GPHN: variants seen among roughly 807,000 people sequenced by gnomAD.
GPHN encodes gephyrin.
A neutral mutation model predicts 95.5 loss-of-function variants in GPHN; 17 were observed. The ratio of observed to expected loss-of-function variants is 0.18; its 90% confidence interval spans 0.12 to 0.27. The LOEUF is 0.27. GPHN is among the 10% of genes least tolerant of loss of function. GPHN has a pLI of 1.00. For synonymous variants in GPHN, 320 were observed against 322.5 expected, an observed-to-expected ratio of 0.99 and a Z score of 0.08; for missense variants, 660 against 978.1, an observed-to-expected ratio of 0.67 and a Z score of 4.34.
chr14:67,157,334 A>G lies in GPHN; in HGVS notation c.1837-2081A>G, dbSNP rs998967601. Among the ~76,000 whole-genome samples the G allele has an allele frequency of 2.6e-5, 4 of 152,320 alleles. No homozygotes were observed. The South Asian group carries it at 8.3e-4, about 32-fold the overall frequency. ...TGTAAGTAACATTTGCAAATTTACT[A>G]TATCTAATAATATAACCTCAAAATG... On this transcript the variant is annotated intron_variant, in intron 18 of 22. Coordinates refer to ENST00000478722, the MANE Select transcript of GPHN (RefSeq NM_020806.5).
intron 10 of GPHN, among the ~76,000 whole-genome samples, chr14:67,025,304 C>T (rs1327445977): frequency 6.6e-6 from 1 of 152,104 alleles, no homozygotes; most frequent in Non-Finnish European, 1.5e-5. Flanking sequence ...GGGGTACGTT[C>T]ATAAGGAAAA....
intron 4 of GPHN, among the ~76,000 whole-genome samples, chr14:66,844,243 G>A (rs1290545714): frequency 6.6e-6 from 1 of 152,028 alleles, no homozygotes; most frequent in East Asian, 1.9e-4. Flanking sequence ...TTTCTTGTAT[G>A]TTGGGTAAAC....
At chr14:67,701,210 A>G in the GPHN span, among the ~76,000 whole-genome samples, 2 of 151,886 alleles carry the variant, frequency 1.3e-5, no homozygotes, top group African/African-American at 4.8e-5. Flanking sequence ...TTTGAGATAT[A>G]AATTTGAGAA....
At chr14:67,699,589 C>CAAAAAAAA in the GPHN span, among the ~76,000 whole-genome samples, 79 of 50,458 alleles carry the variant, frequency 1.6e-3, no homozygotes, top group East Asian at 3.0e-3. Context: ...GACCCTATCT[C>CAAAAAAAA]AAAAAAAAAA....
intron 3 of GPHN, among the ~76,000 whole-genome samples, chr14:66,796,284 C>T (rs975623361): frequency 1.3e-5 from 2 of 151,906 alleles, no homozygotes; most frequent in Non-Finnish European, 2.9e-5. Flanking sequence ...CTGCAACAAA[C>T]ATGGGAGTGC....
At chr14:67,038,748 A>G (rs1187777327) in intron 10 of GPHN, among the ~76,000 whole-genome samples, 2 of 152,094 alleles carry the variant, frequency 1.3e-5, no homozygotes, top group Non-Finnish European at 2.9e-5. Context: ...TTCTTTCATC[A>G]GAAACCAGAT....
At chr14:66,549,240 G>T (rs986446990) in intron 1 of GPHN, among the ~76,000 whole-genome samples, 2 of 152,064 alleles carry the variant, frequency 1.3e-5, no homozygotes, top group Admixed American at 1.3e-4. Flanking sequence ...CAGGGGGTTG[G>T]TGAACAGATT....
chr14:67,269,120 A>C, the GPHN span, among the ~76,000 whole-genome samples: 3 of 152,244 alleles, frequency 2.0e-5, no homozygotes, highest in African/African-American at 7.2e-5. Flanking sequence ...AGAATCATAC[A>C]GTATGTGGTC....
the GPHN span, among the ~76,000 whole-genome samples, chr14:67,216,396 A>C: frequency 6.6e-6 from 1 of 151,622 alleles, no homozygotes; most frequent in South Asian, 2.1e-4. Flanking sequence ...TTCAGTCTCC[A>C]TTTCATTTAT....
intron 1 of GPHN, among the ~76,000 whole-genome samples, chr14:66,544,906 T>C (rs2059482051): frequency 6.6e-6 from 1 of 151,954 alleles, no homozygotes; most frequent in Non-Finnish European, 1.5e-5. Flanking sequence ...GGGTTGGGGG[T>C]AAGGTCACAG....
chr14:67,466,337 G>A, the GPHN span, among the ~76,000 whole-genome samples: 1,021 of 152,366 alleles, frequency 6.7e-3, 7 homozygotes, highest in Middle Eastern at 0.017. Flanking sequence ...ATGAAACAAT[G>A]GGTGGATCAG....
chr14:67,700,711 T>A, the GPHN span, among the ~76,000 whole-genome samples: 2 of 67,998 alleles, frequency 2.9e-5, no homozygotes. Context: ...CAAGACTCCA[T>A]CTCAAAAAAA....
intron 1 of GPHN, among the ~76,000 whole-genome samples, chr14:66,666,392 TA>T (rs1228155612): frequency 2.0e-5 from 3 of 151,618 alleles, no homozygotes; most frequent in Non-Finnish European, 4.4e-5. Context: ...TGTATTGGAT[TA>T]AATAAAAACA....
intron 18 of GPHN, among the ~76,000 whole-genome samples, chr14:67,154,089 G>T (rs1165923279): frequency 6.6e-6 from 1 of 152,162 alleles, no homozygotes; most frequent in Non-Finnish European, 1.5e-5. Context: ...TCAAGGCCCT[G>T]CAACTCTGGC....
intron 5 of GPHN, among the ~76,000 whole-genome samples, chr14:66,897,075 A>G (rs1415177020): frequency 6.6e-6 from 1 of 152,170 alleles, no homozygotes; most frequent in Admixed American, 6.6e-5. Context: ...TGGTAATATA[A>G]TTGTAGATTG....
At chr14:67,264,862 A>C in the GPHN span, among the ~76,000 whole-genome samples, 3 of 152,352 alleles carry the variant, frequency 2.0e-5, no homozygotes, top group African/African-American at 7.2e-5. Context: ...TCAAGTTTAC[A>C]TCTGAGAAAG....
At chr14:67,560,386 C>T in the GPHN span, among the ~76,000 whole-genome samples, 1 of 152,182 alleles carries the variant, frequency 6.6e-6, no homozygotes, top group African/African-American at 2.4e-5. Flanking sequence ...GTAAAATATA[C>T]ATAAAATGTA....
At chr14:66,657,090 A>G (rs1448692273) in intron 1 of GPHN, among the ~76,000 whole-genome samples, 4 of 152,244 alleles carry the variant, frequency 2.6e-5, no homozygotes, top group Admixed American at 2.6e-4. Flanking sequence ...GCTGTTTCAG[A>G]TAACACATGA....
chr14:67,422,557 A>T, the GPHN span, among the ~76,000 whole-genome samples: 1 of 152,234 alleles, frequency 6.6e-6, no homozygotes, highest in Non-Finnish European at 1.5e-5. Flanking sequence ...TCCACCACAG[A>T]TCTTTCTATT....
Sources: allele counts gnomAD v4.1 joint callset (sites outside exome capture counted in the v4.1 genomes callset), GRCh38; gene constraint gnomAD v4.1.1; transcripts MANE v1.5; gene names NCBI Gene and HGNC (gene_info 2026-07-23, HGNC 2026-07-21).